The following ERG variants were observed in gnomAD, a reference collection of about 807,000 sequenced individuals.
The protein encoded by ERG is ETS transcription factor ERG.
In ERG, 9 loss-of-function variants were observed where a neutral mutation model predicts 55.3. The ratio of observed to expected loss-of-function variants is 0.16; its 90% CI spans 0.10 to 0.28. ERG has a LOEUF of 0.28. ERG is among the 10% of genes least tolerant of loss of function. ERG has a pLI of 1.00. For synonymous variants in ERG, 223 were observed against 237.3 expected (o/e 0.94, Z 0.55); for missense variants, 434 against 631.6 (o/e 0.69, Z 3.35).
chr21:38,536,899 T>C (rs2059714525), intron 2 of ERG, among the ~76,000 whole-genome samples: 1 of 152,164 alleles, frequency 6.6e-6, no homozygotes, highest in Non-Finnish European at 1.5e-5. Context: ...CAAGATTTAG[T>C]GTGTGAGAGG....
chr21:38,486,106 T>A lies in ERG; in HGVS notation c.18+12257A>T, dbSNP rs189206825. Among the ~76,000 whole-genome samples the A allele has an allele frequency of 1.1e-4, 16 of 151,692 alleles. No homozygotes were observed. The East Asian group carries it at 2.9e-3, about 28-fold the overall frequency. The stretch of plus-strand genomic sequence containing the variant: ...GTGCCACCATGCCTGGCTAATTTTT[T>A]ATATTTTTAGTAGAGACGGGATTTC... On this transcript the variant is annotated intron_variant, in intron 1 of 9. Coordinates refer to ENST00000288319, the MANE Select transcript of ERG (RefSeq NM_182918.4).
At chr21:38,493,328 T>C (rs2059352352) in intron 1 of ERG, among the ~76,000 whole-genome samples, 1 of 152,112 alleles carries the variant, frequency 6.6e-6, no homozygotes, top group Non-Finnish European at 1.5e-5. Context: ...TCAAAAAATG[T>C]TAGTAACATG....
chr21:38,368,977 T>G, the ERG span, among the ~76,000 whole-genome samples: 1 of 152,246 alleles, frequency 6.6e-6, no homozygotes. Context: ...TAGAATTTCT[T>G]GGTGTACATG....
rs184398900 is a variant in ERG at position 38,564,741 on chromosome 21, C to T, written c.-41+10921G>A. On this transcript the variant is annotated intron_variant, in intron 2 of 8. Coordinates refer to the ERG transcript ENST00000398897. ...AGCAGTTTCTTAGCCCTTCTCCTAC[C>T]TCCACTGGCTTCTCTTCTCAGCTCC... Among the ~76,000 whole-genome samples the T allele has an allele frequency of 2.6e-5, 4 of 152,134 alleles. No individual in the cohort carries two copies. The East Asian group carries it at 5.8e-4, about 22-fold the overall frequency.
In ERG at chr21:38,543,364, T is replaced by TTAAA. The variant is rs1555856204; in HGVS notation, c.-41+32297_-41+32298insTTTA. On this transcript the variant is annotated intron_variant, in intron 2 of 8. Transcript: ENST00000398897. ...ACATATGTATATGTGTGTTTTTTTT[T>TTAAA]AAAAAAAAAGCAATTCCACTGTAAT... Among the ~76,000 whole-genome samples, 484 of 149,018 alleles carry TTAAA rather than the reference T, an allele frequency of 3.2e-3. 7 individuals carry two copies. The highest frequency in any genetic ancestry group is 6.8e-3 in the East Asian group (35 of 5,114).
intron 1 of ERG, among the ~76,000 whole-genome samples, chr21:38,469,912 TC>T (rs1020844639): frequency 3.3e-5 from 5 of 152,178 alleles, no homozygotes; most frequent in Non-Finnish European, 7.3e-5. Flanking sequence ...TACAACGATT[TC>T]CCCAGCAATT....
chr21:38,522,833 T>C (rs1420127411), intron 2 of ERG, among the ~76,000 whole-genome samples: 1 of 152,230 alleles, frequency 6.6e-6, no homozygotes, highest in Non-Finnish European at 1.5e-5. Context: ...GTTACTCTCA[T>C]GTGAATTTTC....
chr21:38,407,507 G>C (rs1420299109), intron 3 of ERG, among the ~76,000 whole-genome samples: 1 of 151,484 alleles, frequency 6.6e-6, no homozygotes, highest in African/African-American at 2.4e-5. Flanking sequence ...GGGAATTTTA[G>C]ATTTGTCATT....
intron 2 of ERG, among the ~76,000 whole-genome samples, chr21:38,563,683 C>A (rs183807964): frequency 6.6e-6 from 1 of 152,260 alleles, no homozygotes; most frequent in East Asian, 1.9e-4. Flanking sequence ...TCAGTCAACT[C>A]GTATATGTGA....
At chr21:38,603,699 C>A (rs1380887408) in intron 1 of ERG, among the ~76,000 whole-genome samples, 1 of 152,014 alleles carries the variant, frequency 6.6e-6, no homozygotes, top group South Asian at 2.1e-4. Context: ...CAACTTTGCT[C>A]TTGGATCAAG....
rs902603055 is a variant in ERG at position 38,380,952 on chromosome 21, A to G, written c.*2451T>C. ...AAAATAAAAATGACTGATCTTTTCC[A>G]TTAGCACAGTTTGGGTCAGCCTAAC... On this transcript the variant is annotated 3_prime_UTR_variant, in exon 10 of 10. Coordinates refer to ENST00000288319, the MANE Select transcript of ERG (RefSeq NM_182918.4). The G allele has an allele frequency of 1.1e-5, 12 of 1,065,168 alleles. No individual in the cohort carries two copies. The highest frequency in any genetic ancestry group is 5.0e-5 in the East Asian group (1 of 20,016). The allele number at this position is 1,065,168 out of a possible 1,614,324, so 66.0% of individuals were successfully genotyped here.
upstream of ERG, among the ~76,000 whole-genome samples, chr21:38,589,524 C>G (rs2060087111): frequency 6.6e-6 from 1 of 152,186 alleles, no homozygotes; most frequent in Non-Finnish European, 1.5e-5. Context: ...CTCTTCTCAC[C>G]ACGGATTGGT....
chr21:38,411,204 CT>C lies in ERG; in HGVS notation c.389-7496del, dbSNP rs1989030246. Among the ~76,000 whole-genome samples the C allele has an allele frequency of 2.6e-5, 4 of 152,336 alleles. No individual in the cohort carries two copies. In the South Asian group the frequency reaches 8.3e-4, roughly 32 times the overall value. On this transcript the variant is annotated intron_variant, in intron 3 of 9. Coordinates refer to ENST00000288319, the MANE Select transcript of ERG (RefSeq NM_182918.4). ...TAAAGAGCCTACCTCAAGACTGTTT[CT>C]GAGCCTTTTAAATTTCTAACTTATA...
chr21:38,431,879 GCACA>G (rs1234532705), intron 2 of ERG, among the ~76,000 whole-genome samples: 2 of 152,194 alleles, frequency 1.3e-5, no homozygotes, highest in Non-Finnish European at 2.9e-5. Flanking sequence ...GACGCTCCCT[GCACA>G]CAGTGCTCAC....
intron 3 of ERG, among the ~76,000 whole-genome samples, chr21:38,414,723 T>C (rs971342767): frequency 6.6e-6 from 1 of 152,180 alleles, no homozygotes; most frequent in Non-Finnish European, 1.5e-5. Flanking sequence ...TCAAGGACTT[T>C]CCATCCTGAG....
intron 6 of ERG, among the ~76,000 whole-genome samples, chr21:38,397,977 A>G (rs554734625): frequency 1.1e-4 from 17 of 152,170 alleles, no homozygotes; most frequent in Non-Finnish European, 2.5e-4. Context: ...ATGTGGGATT[A>G]GACAAAGGGT....
rs749235777 is a variant in ERG at position 38,445,527 on chromosome 21, G to A, written c.113C>T (p.Ser38Phe). Residue 38 changes from serine (S) to phenylalanine (F), a missense_variant, in exon 2 of 10, where the codon TCC (serine) becomes TTC (phenylalanine). Coordinates refer to ENST00000288319, the MANE Select transcript of ERG (RefSeq NM_182918.4). Reference protein sequence around the residue: ...LAKTEMTASSSSDYGQTSKMS... With the variant: ...LAKTEMTASSFSDYGQTSKMS... ...CTTGGAAGTCTGTCCATAGTCGCTG[G>A]AGGAGGACGCGGTCATCTCTGTCTT... 1.2e-6 allele frequency: 2 copies of A among 1,614,090 alleles called. No homozygotes were observed. Among genetic ancestry groups the A allele is most frequent in the South Asian group, 1.1e-5 (1 of 91,076 alleles).
intron 2 of ERG, among the ~76,000 whole-genome samples, chr21:38,436,412 A>C (rs975273012): frequency 6.6e-6 from 1 of 152,180 alleles, no homozygotes; most frequent in Non-Finnish European, 1.5e-5. Context: ...GATTTGGTGC[A>C]TCTTGTCACT....
chr21:38,453,291 T>C (rs2058958025), intron 1 of ERG, among the ~76,000 whole-genome samples: 1 of 152,210 alleles, frequency 6.6e-6, no homozygotes, highest in Admixed American at 6.5e-5. Context: ...GAGCATTCAA[T>C]CTGGAAAGCA....
Sources: gnomAD v4.1 joint callset for allele counts (sites outside exome capture counted in the v4.1 genomes callset) on GRCh38, gnomAD v4.1.1 for gene constraint, MANE v1.5 for transcripts, NCBI Gene and HGNC (gene_info 2026-07-23, HGNC 2026-07-21) for gene names.